NRP2: variants seen among roughly 807,000 people sequenced by gnomAD.
The protein encoded by NRP2 is neuropilin 2, also known as neuropilin-2.
A neutral mutation model predicts 110.4 loss-of-function variants in NRP2; 52 were observed. The observed-to-expected ratio is 0.47, with a 90% CI of 0.38 to 0.59. The LOEUF (loss-of-function observed/expected upper bound fraction) is 0.59, where lower values mean the gene tolerates loss of function less well. Ranked by LOEUF, NRP2 falls within the 20% of genes least tolerant of loss-of-function variation. The pLI, the probability that NRP2 is intolerant of heterozygous loss-of-function variation, is 0.00. For synonymous variants in NRP2, 508 were observed against 468.9 expected, an observed-to-expected ratio of 1.08 and a Z score of -1.08; for missense variants, 1,049 against 1,203.0, an observed-to-expected ratio of 0.87 and a Z score of 1.89.
chr2:205,688,146 G>C (rs1369427342), intron 1 of NRP2, among the ~76,000 whole-genome samples: 1 of 152,216 alleles, frequency 6.6e-6, no homozygotes, highest in Admixed American at 6.5e-5. Flanking sequence ...TAGAGCAAAA[G>C]AAGAATATCT....
intron 15 of NRP2, among the ~76,000 whole-genome samples, chr2:205,788,036 C>T (rs924169290): frequency 3.3e-5 from 5 of 152,052 alleles, no homozygotes; most frequent in Admixed American, 6.6e-5. Flanking sequence ...TTTGACTCTT[C>T]CAGGGTGGAG....
intron 6 of NRP2, among the ~76,000 whole-genome samples, chr2:205,727,139 A>G (rs371881011): frequency 8.7e-4 from 132 of 152,352 alleles, no homozygotes; most frequent in African/African-American, 3.0e-3. Flanking sequence ...TGCTGAGCAC[A>G]TTGTAGGTCA....
At chr2:205,706,916 A>C (rs185032795) in intron 2 of NRP2, among the ~76,000 whole-genome samples, 1 of 152,346 alleles carries the variant, frequency 6.6e-6, no homozygotes, top group African/African-American at 2.4e-5. Flanking sequence ...AACCAGCCAG[A>C]AGCTCTGTGC....
rs369347008 is a variant in NRP2 at position 205,725,997 on chromosome 2, G to A, written c.905G>A (p.Gly302Glu). 58 of 1,614,036 alleles carry A rather than the reference G, an allele frequency of 3.6e-5. No homozygotes were observed. In the African/African-American group the frequency reaches 6.9e-4, roughly 19 times the overall value. Residue 302 changes from glycine (G) to glutamate (E), a missense_variant, in exon 6 of 17, where the codon GGG becomes GAG. By Grantham distance (98) the Gly-to-Glu change is moderately conservative. Coordinates refer to ENST00000357785, the MANE Select transcript of NRP2 (RefSeq NM_003872.3). The surrounding 1 kb of genome is among the most constrained non-coding windows in gnomAD (Gnocchi z 4.1). ...QISASSTYSD[G>E]RWTPQQSRLH... ...AGTGCCTCATCTACCTACTCTGATG[G>A]GAGGTGGACCCCTCAACAAAGCCGG... is the stretch of plus-strand genomic sequence containing the variant.
At chr2:205,715,861 T>C (rs1217989542) in intron 2 of NRP2, among the ~76,000 whole-genome samples, 1 of 152,194 alleles carries the variant, frequency 6.6e-6, no homozygotes, top group Non-Finnish European at 1.5e-5. Flanking sequence ...ACTAAGATTC[T>C]GAGAGAGCAT....
At chr2:205,708,246 G>A (rs1190634954) in intron 2 of NRP2, among the ~76,000 whole-genome samples, 1 of 152,186 alleles carries the variant, frequency 6.6e-6, no homozygotes, top group Admixed American at 6.5e-5. Flanking sequence ...TGCCCCCAAA[G>A]CCTTAAACTT....
chr2:205,739,483 A>G (rs1375616850), intron 7 of NRP2, among the ~76,000 whole-genome samples: 1 of 152,178 alleles, frequency 6.6e-6, no homozygotes. Flanking sequence ...TCTGAATATC[A>G]GGAGCCGAAA....
intron 15 of NRP2, among the ~76,000 whole-genome samples, chr2:205,771,334 T>A (rs1349858673): frequency 6.6e-6 from 1 of 152,232 alleles, no homozygotes; most frequent in African/African-American, 2.4e-5. Flanking sequence ...TCTTCTACTA[T>A]CTTCTGTAAA....
Position 205,697,661 on chromosome 2 carries a change from C to A in NRP2, c.191C>A (p.Pro64His), listed in dbSNP as rs375884844. The A allele has an allele frequency of 6.2e-7, 1 of 1,614,052 alleles. No individual in the cohort carries two copies. The highest frequency in any genetic ancestry group is 1.1e-5 in the South Asian group (1 of 91,072). The part of the protein sequence containing the change: ...NCEWIVYAPE[P>H]NQKIVLNFNP... ...GAGTGGATTGTTTACGCCCCCGAAC[C>A]CAACCAGAAGATTGTCCTCAACTTC... Residue 64 changes from proline to histidine, a missense_variant, in exon 2 of 17, where the codon CCC (proline) becomes CAC (histidine). Physicochemically the swap from Pro to His is moderately conservative, Grantham distance 77. Coordinates refer to ENST00000357785, the MANE Select transcript of NRP2 (RefSeq NM_003872.3).
chr2:205,787,898 C>T (rs959881621), intron 15 of NRP2, among the ~76,000 whole-genome samples: 1 of 152,042 alleles, frequency 6.6e-6, no homozygotes, highest in African/African-American at 2.4e-5. Context: ...CATGTGTGGT[C>T]TTACACTACC....
intron 16 of NRP2, among the ~76,000 whole-genome samples, chr2:205,794,277 AT>A (rs1330288216): frequency 6.6e-6 from 1 of 151,326 alleles, no homozygotes; most frequent in Non-Finnish European, 1.5e-5. Context: ...CGCCCGGCTA[AT>A]TTTTTGTATT....
chr2:205,687,059 C>T (rs796634192), intron 1 of NRP2, among the ~76,000 whole-genome samples: 19 of 152,292 alleles, frequency 1.2e-4, no homozygotes, highest in African/African-American at 4.1e-4. Context: ...AACCCAGACC[C>T]CATAACCATC....
intron 15 of NRP2, among the ~76,000 whole-genome samples, chr2:205,772,007 G>C (rs1213691185): frequency 1.3e-5 from 2 of 152,256 alleles, no homozygotes; most frequent in East Asian, 3.8e-4. Context: ...TGTCCACCTG[G>C]TTCTAGCCGT....
chr2:205,784,252 T>G (rs1017448037), intron 15 of NRP2, among the ~76,000 whole-genome samples: 1 of 152,212 alleles, frequency 6.6e-6, no homozygotes, highest in African/African-American at 2.4e-5. Flanking sequence ...ACGATGGGTG[T>G]GCAGAAAGCC....
At chr2:205,757,138 G>A (rs1220909304) in intron 12 of NRP2, among the ~76,000 whole-genome samples, 4 of 152,188 alleles carry the variant, frequency 2.6e-5, no homozygotes, top group Non-Finnish European at 5.9e-5. Context: ...AATCATGAAA[G>A]TGATAGAAAG....
intron 15 of NRP2, chr2:205,776,620 G>T: frequency 6.3e-7 from 1 of 1,595,484 alleles, no homozygotes; most frequent in Non-Finnish European, 8.5e-7. Context: ...TAGTTTCTGT[G>T]TGAACTCTCA....
intron 14 of NRP2, among the ~76,000 whole-genome samples, chr2:205,766,524 G>A (rs1303281972): frequency 6.6e-6 from 1 of 152,034 alleles, no homozygotes; most frequent in Non-Finnish European, 1.5e-5. Context: ...AATACTTTAG[G>A]GACCCATTTC....
rs2057868239 is a variant in NRP2, at chr2:205,763,968, C to T, written c.2307+32C>T. 6 of 1,612,694 alleles carry T rather than the reference C, an allele frequency of 3.7e-6. No homozygotes were observed. The highest frequency in any genetic ancestry group is 1.7e-4 in the Middle Eastern group (1 of 6,048). ...TGAGCAAAAAGGGAATCTTGTGATC[C>T]GTATTTCAATATTTCAAGGGCCGAG... On this transcript the variant is annotated intron_variant, in intron 13 of 16. Transcript: ENST00000357785. The surrounding 1 kb of genome is among the most constrained non-coding windows in gnomAD (Gnocchi z 4.0).
chr2:205,683,194 TA>T lies in NRP2; in HGVS notation c.-95del. 1 of 883,552 alleles carries T rather than the reference TA, an allele frequency of 1.1e-6. No individual in the cohort carries two copies. Among genetic ancestry groups the T allele is most frequent in the Non-Finnish European group, 1.9e-6 (1 of 539,294 alleles). 54.7% of individuals were successfully genotyped at this position (883,552 alleles called of 1,614,324 possible). A position where few individuals can be genotyped will look rare whatever the true frequency, so the allele number is the denominator to read the frequency against. On this transcript the variant is annotated 5_prime_UTR_variant, in exon 1 of 17. Transcript: ENST00000357785. ...ACGCTGACCATTAGAAACCTCTGCA[TA>T]AGACGTTGTAAGGAGGAAAATAAAA... is the stretch of plus-strand genomic sequence containing the variant.
Sources: allele counts gnomAD v4.1 joint callset (sites outside exome capture counted in the v4.1 genomes callset), GRCh38; gene constraint gnomAD v4.1.1; non-coding constraint Gnocchi (gnomAD v3.1); transcripts MANE v1.5; gene names NCBI Gene and HGNC (gene_info 2026-07-23, HGNC 2026-07-21).